ATAD2B: variants seen among roughly 807,000 people sequenced by gnomAD.
ATAD2B encodes ATPase family AAA domain containing 2B.
In ATAD2B, 40 loss-of-function variants were observed where a neutral mutation model predicts 167.6. The observed-to-expected ratio is 0.24, with a 90% CI of 0.19 to 0.31. ATAD2B has a LOEUF of 0.31. Ranked by LOEUF, ATAD2B falls within the 10% of genes least tolerant of loss-of-function variation. The probability of loss-of-function intolerance (pLI) is 1.00; values close to 1 mark genes in which losing one functional copy is unlikely to be tolerated. For missense variants in ATAD2B, 1,242 were observed against 1,757.2 expected (o/e 0.71, Z 5.24); for synonymous variants, 579 against 596.5 (o/e 0.97, Z 0.43).
At chr2:23,739,187 G>A in the ATAD2B span, among the ~76,000 whole-genome samples, 3 of 152,124 alleles carry the variant, frequency 2.0e-5, no homozygotes, top group Non-Finnish European at 4.4e-5. Context: ...ACTCAGCTCT[G>A]CACCAAGTGG....
At chr2:23,726,930 G>A in the ATAD2B span, among the ~76,000 whole-genome samples, 1 of 151,966 alleles carries the variant, frequency 6.6e-6, no homozygotes, top group African/African-American at 2.4e-5. Flanking sequence ...ACTTCAAAAT[G>A]GTTAAGAGGG....
chr2:23,790,340 G>A (rs1681480948), intron 19 of ATAD2B, among the ~76,000 whole-genome samples: 1 of 152,136 alleles, frequency 6.6e-6, no homozygotes, highest in Non-Finnish European at 1.5e-5. Context: ...TAGGTAAGAT[G>A]TACCAGAAAT....
At chr2:23,745,383 A>AGGAG (rs1674788768), downstream of ATAD2B, among the ~76,000 whole-genome samples, 1 of 91,272 alleles carries the variant, frequency 1.1e-5, no homozygotes, top group Non-Finnish European at 2.6e-5. Context: ...GAAGGAAGGA[A>AGGAG]GGAAGGAAGG....
At chr2:23,878,014 G>GAAAAAAAAAA (rs70941598) in intron 7 of ATAD2B, among the ~76,000 whole-genome samples, 1 of 42,704 alleles carries the variant, frequency 2.3e-5, no homozygotes, top group Non-Finnish European at 4.4e-5. Context: ...TATCTCCAAA[G>GAAAAAAAAAA]AAAAAAAAAA....
At chr2:23,696,554 C>T in the ATAD2B span, 3 of 1,437,718 alleles carry the variant, frequency 2.1e-6, no homozygotes, top group Non-Finnish European at 1.9e-6. The surrounding 1 kb of genome is among the most constrained non-coding windows in gnomAD (Gnocchi z 5.5). Context: ...GCTCTTTGCT[C>T]ACCAAGAACT....
At chr2:23,746,754 A>G (rs1453772061), downstream of ATAD2B, among the ~76,000 whole-genome samples, 1 of 152,202 alleles carries the variant, frequency 6.6e-6, no homozygotes, top group East Asian at 1.9e-4. Context: ...TCACCAAGAT[A>G]GGGAATATAA....
chr2:23,709,322 G>C, the ATAD2B span, among the ~76,000 whole-genome samples: 1 of 152,162 alleles, frequency 6.6e-6, no homozygotes, highest in Non-Finnish European at 1.5e-5. Context: ...GATTATAGGC[G>C]TGAGCCACTG....
At chr2:23,838,085 C>T (rs1242744580) in intron 13 of ATAD2B, among the ~76,000 whole-genome samples, 1 of 152,200 alleles carries the variant, frequency 6.6e-6, no homozygotes, top group Non-Finnish European at 1.5e-5. Context: ...CCTTCCCAAA[C>T]ACACTGCTCT....
At chr2:23,788,293 TAAG>T (rs1312306924) in intron 20 of ATAD2B, 17 of 506,852 alleles carry the variant, frequency 3.4e-5, no homozygotes, top group Non-Finnish European at 4.9e-5. Flanking sequence ...GTTGAAGTCA[TAAG>T]AAGAAGTCCT....
intron 1 of ATAD2B, among the ~76,000 whole-genome samples, chr2:23,910,804 G>T (rs1208387754): frequency 3.3e-5 from 5 of 152,026 alleles, no homozygotes; most frequent in Non-Finnish European, 7.4e-5. Context: ...GGAGGCGGAG[G>T]TTGCAGTGAG....
chr2:23,819,724 G>A, intron 17 of ATAD2B, 23 bp downstream of exon 17: 3 of 1,541,418 alleles, frequency 1.9e-6, no homozygotes, highest in East Asian at 2.3e-5. Context: ...TAAATACAAA[G>A]AAAGTTGATA....
At chr2:23,872,453 G>T in intron 8 of ATAD2B, 2 of 729,656 alleles carry the variant, frequency 2.7e-6, no homozygotes, top group Non-Finnish European at 2.5e-6. Flanking sequence ...CTGTTGCCAT[G>T]CACTGCAATC....
In ATAD2B at chr2:23,771,838, G is replaced by A. The variant is rs143393518; in HGVS notation, c.3134-6210C>T. Among the ~76,000 whole-genome samples the A allele has an allele frequency of 5.5e-3, 833 of 152,250 alleles. 6 individuals are homozygous for A. Among genetic ancestry groups the A allele is most frequent in the African/African-American group, 0.019 (804 of 41,538 alleles). On this transcript the variant is annotated intron_variant, in intron 22 of 27. Coordinates refer to ENST00000238789, the MANE Select transcript of ATAD2B (RefSeq NM_017552.4). ...AACCAGTACTTAGTTAAACACTAGG[G>A]TAGGACCTCCTGGAGATAGCCAGAG...
intron 19 of ATAD2B, among the ~76,000 whole-genome samples, chr2:23,795,510 G>C (rs556012485): frequency 6.6e-6 from 1 of 152,170 alleles, no homozygotes; most frequent in South Asian, 2.1e-4. Flanking sequence ...ACAACTCTCT[G>C]TGCTACTCAT....
the ATAD2B span, among the ~76,000 whole-genome samples, chr2:23,742,580 G>C: frequency 6.7e-6 from 1 of 150,084 alleles, no homozygotes; most frequent in South Asian, 2.1e-4. Flanking sequence ...GGGAGGGATA[G>C]CATTAGGAGA....
At chr2:23,858,453 T>C (rs1693789747) in intron 12 of ATAD2B, among the ~76,000 whole-genome samples, 1 of 151,766 alleles carries the variant, frequency 6.6e-6, no homozygotes, top group South Asian at 2.1e-4. Flanking sequence ...ATGTATGTTG[T>C]TAAGTAATTT....
intron 1 of ATAD2B, among the ~76,000 whole-genome samples, chr2:23,908,257 T>C (rs1270517643): frequency 1.3e-5 from 2 of 152,030 alleles, no homozygotes; most frequent in African/African-American, 4.8e-5. Flanking sequence ...AAAGGGCTAA[T>C]ATCCAGAATC....
At chr2:23,880,615 A>G in intron 7 of ATAD2B, 24 bp downstream of exon 7, 1 of 1,402,556 alleles carries the variant, frequency 7.1e-7, no homozygotes. Context: ...ACCAGAAAGA[A>G]AAAAGTTATT....
intron 12 of ATAD2B, among the ~76,000 whole-genome samples, chr2:23,860,112 G>A (rs527278787): frequency 2.4e-4 from 36 of 152,188 alleles, no homozygotes; most frequent in African/African-American, 8.4e-4. Context: ...CCCCCATCTT[G>A]TGCATTCTCT....
Sources: allele counts gnomAD v4.1 joint callset (sites outside exome capture counted in the v4.1 genomes callset), GRCh38; gene constraint gnomAD v4.1.1; non-coding constraint Gnocchi (gnomAD v3.1); transcripts MANE v1.5; gene names NCBI Gene and HGNC (gene_info 2026-07-23, HGNC 2026-07-21).